LYRM4: variants seen among roughly 807,000 people sequenced by gnomAD.
LYRM4 encodes LYR motif-containing protein 4.
LYRM4 carries 9 observed loss-of-function variants against 11.7 expected under a neutral mutation model. That is an observed-to-expected ratio of 0.77 (90% confidence interval 0.46 to 1.34). LYRM4 has a LOEUF of 1.34. LYRM4 is among the 40% of genes most tolerant of loss of function. The probability of loss-of-function intolerance (pLI) is 0.00; values close to 1 mark genes in which losing one functional copy is unlikely to be tolerated. For synonymous variants in LYRM4, 42 were observed against 40.4 expected (o/e 1.04, Z -0.15); for missense variants, 133 against 112.5 (o/e 1.18, Z -0.82).
the LYRM4 span, among the ~76,000 whole-genome samples, chr6:5,049,082 G>A: frequency 1.3e-5 from 2 of 152,118 alleles, no homozygotes; most frequent in African/African-American, 4.8e-5. Flanking sequence ...TGGGAAAGGG[G>A]ATGGCAGTGG....
chr6:5,141,613 C>T (rs1413008408), intron 2 of LYRM4, among the ~76,000 whole-genome samples: 2 of 152,094 alleles, frequency 1.3e-5, no homozygotes, highest in African/African-American at 4.8e-5. Flanking sequence ...ATTTAGTAGA[C>T]CCTTCATTTT....
At chr6:5,054,107 C>T in the LYRM4 span, 7 of 985,630 alleles carry the variant, frequency 7.1e-6, no homozygotes, top group Non-Finnish European at 8.4e-6. Context: ...CCAGATGCCT[C>T]TGTCCTCATG....
chr6:5,145,217 C>T (rs1382701564), intron 2 of LYRM4, among the ~76,000 whole-genome samples: 2 of 152,164 alleles, frequency 1.3e-5, no homozygotes, highest in African/African-American at 4.8e-5. Context: ...TTCTCCTGCC[C>T]CTTTCTCCCA....
chr6:5,256,131 C>T (rs1170737082), intron 1 of LYRM4, among the ~76,000 whole-genome samples: 2 of 151,994 alleles, frequency 1.3e-5, no homozygotes, highest in South Asian at 2.1e-4. Flanking sequence ...GCTACGGATG[C>T]TATTCTAGGG....
chr6:5,257,858 G>A (rs1764755264), intron 1 of LYRM4, among the ~76,000 whole-genome samples: 1 of 152,162 alleles, frequency 6.6e-6, no homozygotes, highest in South Asian at 2.1e-4. Context: ...TATAGCACTG[G>A]GCAAAGCATG....
intron 2 of LYRM4, among the ~76,000 whole-genome samples, chr6:5,200,669 ACAGGTGGAGTAGAC>A (rs1761335718): frequency 6.6e-6 from 1 of 152,228 alleles, no homozygotes; most frequent in Non-Finnish European, 1.5e-5. Flanking sequence ...TGCAGGGCTC[ACAGGTGGAGTAGAC>A]CAGGACAAGG....
At chr6:5,138,756 A>T in intron 2 of LYRM4, 1 of 1,526,226 alleles carries the variant, frequency 6.6e-7, no homozygotes, top group Non-Finnish European at 8.8e-7. Flanking sequence ...GTAAAAAGAG[A>T]AAAAAATAAA....
chr6:5,093,603 C>A, the LYRM4 span, among the ~76,000 whole-genome samples: 2 of 152,216 alleles, frequency 1.3e-5, no homozygotes, highest in African/African-American at 4.8e-5. Flanking sequence ...TGCCACTTTA[C>A]AAAAAAACTT....
At chr6:5,249,214 A>G (rs1480462555) in intron 1 of LYRM4, among the ~76,000 whole-genome samples, 1 of 152,232 alleles carries the variant, frequency 6.6e-6, no homozygotes, top group Non-Finnish European at 1.5e-5. Context: ...CAATTTACAG[A>G]TGACACACAG....
downstream of LYRM4, among the ~76,000 whole-genome samples, chr6:5,101,964 C>CTTTTTTTTTTTTTTT (rs1431348110): frequency 2.8e-5 from 1 of 36,198 alleles, no homozygotes; most frequent in African/African-American, 7.3e-5. Context: ...CCAACTAATG[C>CTTTTTTTTTTTTTTT]TTTCTTTTTT....
At chr6:5,183,205 G>A (rs763945731) in intron 2 of LYRM4, among the ~76,000 whole-genome samples, 2 of 152,128 alleles carry the variant, frequency 1.3e-5, no homozygotes, top group African/African-American at 4.8e-5. Context: ...CATGGTTGGA[G>A]GAAGAAAGAG....
chr6:5,087,679 A>T, the LYRM4 span: 2 of 152,298 alleles, frequency 1.3e-5, no homozygotes, highest in African/African-American at 4.8e-5. Flanking sequence ...TGGTGACTTG[A>T]TGGAAGAGGA....
the LYRM4 span, chr6:5,086,350 G>A: frequency 5.8e-4 from 896 of 1,535,900 alleles, 2 homozygotes; most frequent in African/African-American, 0.011. Context: ...GCCAGGGTCC[G>A]GGGATGCCAA....
chr6:5,248,571 C>T (rs1764295276), intron 1 of LYRM4, among the ~76,000 whole-genome samples: 1 of 152,254 alleles, frequency 6.6e-6, no homozygotes. Flanking sequence ...TAGTTCCTTA[C>T]AGCCAACACC....
chr6:5,105,224 C>G (rs1338593289), downstream of LYRM4: 1 of 152,234 alleles, frequency 6.6e-6, no homozygotes, highest in Non-Finnish European at 1.5e-5. Flanking sequence ...TAAGCTAGAC[C>G]AGGCTAGGGG....
the LYRM4 span, chr6:5,034,753 C>CTTTTT: frequency 3.2e-5 from 3 of 93,852 alleles, no homozygotes; most frequent in African/African-American, 1.5e-4. Context: ...TACAGCAATG[C>CTTTTT]TTTTTTTTTT....
the LYRM4 span, among the ~76,000 whole-genome samples, chr6:5,093,217 T>C: frequency 2.0e-5 from 3 of 152,286 alleles, no homozygotes; most frequent in African/African-American, 7.2e-5. Flanking sequence ...TGAATTTATG[T>C]ATTGGTGCAA....
At chr6:5,175,003 G>A (rs146193395) in intron 2 of LYRM4, among the ~76,000 whole-genome samples, 11 of 152,206 alleles carry the variant, frequency 7.2e-5, no homozygotes, top group African/African-American at 1.9e-4. Context: ...GGAAGGATGC[G>A]GTCTATTTAT....
chr6:5,224,398 C>T lies in LYRM4; in HGVS notation c.87-7660G>A, dbSNP rs146740279. 2.0e-3 allele frequency among the ~76,000 whole-genome samples: 309 copies of T among 152,216 alleles called. 1 individual carries two copies. Among genetic ancestry groups the T allele is most frequent in the African/African-American group, 7.0e-3 (292 of 41,548 alleles). ...AAATTACCTGCAGTTTTTGAAAAGA[C>T]AAAGGGACAGGTACACCCTGCTGGT... On this transcript the variant is annotated intron_variant, in intron 1 of 2. Transcript: ENST00000330636.
Sources: allele counts gnomAD v4.1 joint callset (sites outside exome capture counted in the v4.1 genomes callset), GRCh38; gene constraint gnomAD v4.1.1; transcripts MANE v1.5; gene names NCBI Gene and HGNC (gene_info 2026-07-23, HGNC 2026-07-21).